The following ATP6V1A variants were observed in gnomAD, a reference collection of about 807,000 sequenced individuals.
ATP6V1A encodes ATPase H+ transporting V1 subunit A, also known as V-type proton ATPase catalytic subunit A.
A neutral mutation model predicts 70.1 loss-of-function variants in ATP6V1A; 18 were observed. That is an observed-to-expected ratio of 0.26 (90% confidence interval 0.18 to 0.38). The LOEUF (loss-of-function observed/expected upper bound fraction) is 0.38, where lower values mean the gene tolerates loss of function less well. ATP6V1A is among the 10% of genes least tolerant of loss of function. The pLI is 1.00. For missense variants in ATP6V1A, 424 were observed against 772.4 expected (o/e 0.55, Z 5.35); for synonymous variants, 232 against 253.8 (o/e 0.91, Z 0.82).
At chr3:113,798,523 A>C in intron 12 of ATP6V1A, 77 bp downstream of exon 12, 2 of 1,280,582 alleles carry the variant, frequency 1.6e-6, no homozygotes, top group Admixed American at 2.4e-5. Flanking sequence ...AGCCTTGGAT[A>C]TTACAGATTC....
chr3:113,757,915 G>A (rs1343137728), intron 1 of ATP6V1A, among the ~76,000 whole-genome samples: 1 of 152,222 alleles, frequency 6.6e-6, no homozygotes, highest in Admixed American at 6.5e-5. Flanking sequence ...GGAGGCCAAG[G>A]TGGGTGGATC....
At chr3:113,753,881 G>C (rs1175676262) in intron 1 of ATP6V1A, among the ~76,000 whole-genome samples, 1 of 151,712 alleles carries the variant, frequency 6.6e-6, no homozygotes, top group Admixed American at 6.6e-5. Flanking sequence ...ATATTTGGTA[G>C]AGACGGGGTT....
chr3:113,770,400 G>A (rs776140459), intron 1 of ATP6V1A, among the ~76,000 whole-genome samples: 4 of 152,026 alleles, frequency 2.6e-5, no homozygotes, highest in Middle Eastern at 3.2e-3. Context: ...TGTATAGGCC[G>A]GGCACGGTGG....
At chr3:113,793,539 C>A (rs1709121037) in intron 8 of ATP6V1A, among the ~76,000 whole-genome samples, 1 of 152,168 alleles carries the variant, frequency 6.6e-6, no homozygotes, top group South Asian at 2.1e-4. Context: ...TCTGCCATTT[C>A]TTTCTAATAT....
intron 3 of ATP6V1A, among the ~76,000 whole-genome samples, chr3:113,782,282 A>G (rs74355925): frequency 5.3e-4 from 80 of 152,062 alleles, no homozygotes; most frequent in African/African-American, 1.8e-3. Flanking sequence ...TATTTTTTCT[A>G]TTTTTACTTT....
intron 1 of ATP6V1A, among the ~76,000 whole-genome samples, chr3:113,772,785 G>T (rs1472706937): frequency 2.0e-5 from 3 of 151,546 alleles, no homozygotes; most frequent in African/African-American, 7.3e-5. Context: ...TTTAAAACTC[G>T]TGTTTTCATA....
At chr3:113,799,189 AT>A (rs1244751125) in intron 12 of ATP6V1A, among the ~76,000 whole-genome samples, 1 of 152,180 alleles carries the variant, frequency 6.6e-6, no homozygotes, top group Non-Finnish European at 1.5e-5. Flanking sequence ...TAGATACTTA[AT>A]AAAATATTAA....
intron 4 of ATP6V1A, 68 bp downstream of exon 4, chr3:113,784,506 C>T: frequency 2.7e-6 from 4 of 1,470,752 alleles, no homozygotes; most frequent in Non-Finnish European, 3.7e-6. Flanking sequence ...TAGTAAACTA[C>T]ATTGTACTCT....
At chr3:113,798,544 A>AAATAAATATTT in intron 12 of ATP6V1A, 98 bp downstream of exon 12, 6 of 986,914 alleles carry the variant, frequency 6.1e-6, no homozygotes, top group Non-Finnish European at 8.4e-6. Context: ...TTGCCTAGCA[A>AAATAAATATTT]AATAAATATT....
chr3:113,763,290 TGTTAGCCAGGATGGTCTCGATCTCCTGA>T (rs1420511857), intron 1 of ATP6V1A, among the ~76,000 whole-genome samples: 1 of 152,210 alleles, frequency 6.6e-6, no homozygotes, highest in African/African-American at 2.4e-5. Flanking sequence ...GGTTTCACTG[TGTTAGCCAGGATGGTCTCGATCTCCTGA>T]CCTCGTGATC....
chr3:113,762,578 A>T (rs1205202944), intron 1 of ATP6V1A, among the ~76,000 whole-genome samples: 1 of 152,154 alleles, frequency 6.6e-6, no homozygotes, highest in Non-Finnish European at 1.5e-5. Flanking sequence ...CAAAAAAAAA[A>T]ATGGTAAAGT....
chr3:113,798,003 C>T (rs1709171859), intron 11 of ATP6V1A, among the ~76,000 whole-genome samples: 1 of 151,978 alleles, frequency 6.6e-6, no homozygotes. Context: ...CCTGATGGCG[C>T]ATGCTTGTAA....
At chr3:113,751,815 T>C (rs1385672974) in intron 1 of ATP6V1A, among the ~76,000 whole-genome samples, 3 of 151,786 alleles carry the variant, frequency 2.0e-5, no homozygotes, top group South Asian at 2.1e-4. Flanking sequence ...CTGAAACTAC[T>C]GAAGTGATCT....
At chr3:113,758,501 A>G (rs924553340) in intron 1 of ATP6V1A, among the ~76,000 whole-genome samples, 4 of 152,138 alleles carry the variant, frequency 2.6e-5, no homozygotes, top group Admixed American at 2.0e-4. Flanking sequence ...TTTGCATTAC[A>G]TGTATCGATG....
chr3:113,803,753 C>T lies in ATP6V1A; in HGVS notation c.1589+76C>T, dbSNP rs184472756. 102 of 1,151,838 alleles carry T rather than the reference C, an allele frequency of 8.9e-5. No homozygotes were observed. In the East Asian group the frequency reaches 2.4e-3, roughly 27 times the overall value. 71.4% of individuals were successfully genotyped at this position (1,151,838 alleles called of 1,614,324 possible). A position where few individuals can be genotyped will look rare whatever the true frequency, so the allele number is the denominator to read the frequency against. Reference sequence around the variant, plus strand: ...TGGTGAAGGAGTACACATTAAAAACCCTTTTTTATTCTCATACAGGCTCAT... The same window carrying T: ...TGGTGAAGGAGTACACATTAAAAACTCTTTTTTATTCTCATACAGGCTCAT... On this transcript the variant is annotated intron_variant, in intron 13 of 14. Transcript: ENST00000273398.
chr3:113,773,269 T>A (rs1708872058), intron 1 of ATP6V1A, among the ~76,000 whole-genome samples: 1 of 152,144 alleles, frequency 6.6e-6, no homozygotes, highest in South Asian at 2.1e-4. Flanking sequence ...ACAGTCATCT[T>A]GGTTTGCTAA....
intron 11 of ATP6V1A, among the ~76,000 whole-genome samples, chr3:113,797,340 T>C (rs7645473): frequency 0.36 from 55,344 of 151,654 alleles, 10,166 homozygotes; most frequent in African/African-American, 0.4. Flanking sequence ...GCAACCTTCA[T>C]CTTCCGGGTT....
intron 12 of ATP6V1A, among the ~76,000 whole-genome samples, chr3:113,800,104 C>T (rs1325420187): frequency 1.3e-5 from 2 of 151,846 alleles, no homozygotes; most frequent in African/African-American, 2.4e-5. Context: ...TGGTGGCGCA[C>T]CCCTGTAATG....
chr3:113,760,834 C>T (rs1279373742), intron 1 of ATP6V1A, among the ~76,000 whole-genome samples: 4 of 151,718 alleles, frequency 2.6e-5, no homozygotes, highest in African/African-American at 9.7e-5. Flanking sequence ...TTTGGGAGGC[C>T]AAGGCAGGCA....
Sources: gnomAD v4.1 joint callset for allele counts (sites outside exome capture counted in the v4.1 genomes callset) on GRCh38, gnomAD v4.1.1 for gene constraint, MANE v1.5 for transcripts, NCBI Gene and HGNC (gene_info 2026-07-23, HGNC 2026-07-21) for gene names.